The following HYDIN variants were observed in gnomAD, a reference collection of about 807,000 sequenced individuals.
HYDIN encodes HYDIN axonemal central pair apparatus protein.
In HYDIN, 132 loss-of-function variants were observed where a neutral mutation model predicts 403.9. That is an observed-to-expected ratio of 0.33 (90% CI 0.28 to 0.38). The LOEUF is 0.38. Among genes scored for constraint, HYDIN ranks in the 10% least tolerant of loss-of-function variants. The probability of loss-of-function intolerance (pLI) is 1.00; values close to 1 mark genes in which losing one functional copy is unlikely to be tolerated. For synonymous variants in HYDIN, 1,202 were observed against 1,891.7 expected (o/e 0.64, Z 9.46); for missense variants, 2,827 against 5,009.5 (o/e 0.56, Z 13.15).
At chr16:71,165,851 G>A (rs1444829854) in intron 5 of HYDIN, among the ~76,000 whole-genome samples, 2 of 147,976 alleles carry the variant, frequency 1.4e-5, no homozygotes, top group Admixed American at 6.8e-5. Flanking sequence ...GTGTGATTTG[G>A]AACCTGTGGC....
intron 1 of HYDIN, among the ~76,000 whole-genome samples, chr16:71,187,382 G>C (rs987898420): frequency 6.6e-6 from 1 of 152,206 alleles, no homozygotes; most frequent in African/African-American, 2.4e-5. Flanking sequence ...GCAAAGGAAA[G>C]TTCTGGGAAA....
rs370576400 is a variant in HYDIN at position 70,872,174 on chromosome 16, G to C, written c.10954C>G (p.Leu3652Val). The C allele has an allele frequency of 1.0e-5, 15 of 1,430,474 alleles. No homozygotes were observed. The highest frequency in any genetic ancestry group is 1.3e-5 in the Non-Finnish European group (14 of 1,052,400). 88.6% of individuals were successfully genotyped at this position (1,430,474 alleles called of 1,614,324 possible). A position where few individuals can be genotyped will look rare whatever the true frequency, so the allele number is the denominator to read the frequency against. ...TCCCCAAATTGGATGTGGTCCACCA[G>C]AGCAGCTAGGGATTAGAAGCAGAAG... ...NDMEDLVAAA[L>V]VDHIQFGDCH... Residue 3652 changes from leucine to valine, a missense_variant, in exon 65 of 86, where the codon CTG becomes GTG. Coordinates refer to ENST00000393567, the MANE Select transcript of HYDIN (RefSeq NM_001270974.2).
intron 39 of HYDIN, among the ~76,000 whole-genome samples, chr16:70,956,688 A>G (rs2078248928): frequency 6.6e-6 from 1 of 152,174 alleles, no homozygotes; most frequent in Non-Finnish European, 1.5e-5. Context: ...GTTGCAGGCA[A>G]CATTTCTAGA....
At chr16:71,000,866 C>T (rs2095323076) in intron 23 of HYDIN, among the ~76,000 whole-genome samples, 1 of 152,236 alleles carries the variant, frequency 6.6e-6, no homozygotes, top group African/African-American at 2.4e-5. Context: ...AAGTGGTCTA[C>T]TGCTCTCAGG....
At chr16:70,933,923 G>T (rs2077424132) in intron 45 of HYDIN, among the ~76,000 whole-genome samples, 2 of 152,044 alleles carry the variant, frequency 1.3e-5, no homozygotes, top group South Asian at 4.1e-4. Context: ...GCATGGGATG[G>T]GGGTCAGCCT....
intron 47 of HYDIN, among the ~76,000 whole-genome samples, chr16:70,909,653 C>A (rs1368025888): frequency 7.7e-6 from 1 of 130,604 alleles, no homozygotes; most frequent in East Asian, 2.3e-4. Flanking sequence ...GGCACACAGT[C>A]TATATTAAAA....
chr16:71,151,937 C>A (rs144193547), intron 7 of HYDIN, among the ~76,000 whole-genome samples: 2 of 152,134 alleles, frequency 1.3e-5, no homozygotes, highest in South Asian at 2.1e-4. Flanking sequence ...AGGATATTTG[C>A]ATGTTCTAAG....
chr16:70,834,084 C>G lies in HYDIN; in HGVS notation c.13482G>C (p.Lys4494Asn). The change falls in exon 79 of 86, where the codon AAG (lysine) becomes AAC (asparagine). Residue 4494 changes from lysine to asparagine, a missense_variant. Physicochemically the swap from Lys to Asn is moderately conservative, Grantham distance 94. Transcript: ENST00000393567. The part of the protein sequence containing the change: ...VCKLEVIFAP[K>N]KRVPPFSEEV... Reference sequence around the variant, plus strand: ...CCTCAGAGAAGGGAGGGACACGCTTCTTCGGGGCAAAGATGACTTCCAGTT... The same window carrying G: ...CCTCAGAGAAGGGAGGGACACGCTTGTTCGGGGCAAAGATGACTTCCAGTT... 1 of 1,605,596 alleles carries G rather than the reference C, an allele frequency of 6.2e-7. No individual in the cohort carries two copies. Among genetic ancestry groups the G allele is most frequent in the Non-Finnish European group, 8.5e-7 (1 of 1,173,128 alleles).
At chr16:71,161,869 A>G (rs1461204453) in intron 6 of HYDIN, among the ~76,000 whole-genome samples, 1 of 151,506 alleles carries the variant, frequency 6.6e-6, no homozygotes, top group Non-Finnish European at 1.5e-5. Flanking sequence ...GGAAAAAGAA[A>G]AGAGCAAACA....
chr16:70,883,744 T>C (rs1239930802), intron 59 of HYDIN, among the ~76,000 whole-genome samples, 176 bp downstream of exon 59: 2 of 152,180 alleles, frequency 1.3e-5, no homozygotes, highest in Non-Finnish European at 2.9e-5. Flanking sequence ...TAATTTTTTG[T>C]ATTTTTAGTA....
At chr16:70,905,368 G>T (rs2076505245) in intron 50 of HYDIN, among the ~76,000 whole-genome samples, 1 of 152,096 alleles carries the variant, frequency 6.6e-6, no homozygotes, top group African/African-American at 2.4e-5. Flanking sequence ...AACAGGCTTG[G>T]CACAGTGGCT....
At chr16:71,215,250 G>C (rs904877170) in intron 1 of HYDIN, among the ~76,000 whole-genome samples, 1 of 151,914 alleles carries the variant, frequency 6.6e-6, no homozygotes, top group Non-Finnish European at 1.5e-5. Flanking sequence ...ATGGAGAAAG[G>C]AGGAAGAAAG....
At chr16:71,175,280 AC>A (rs1446310229) in intron 5 of HYDIN, among the ~76,000 whole-genome samples, 1 of 151,850 alleles carries the variant, frequency 6.6e-6, no homozygotes, top group East Asian at 1.9e-4. Flanking sequence ...ATCACCCACC[AC>A]TACCCACCAA....
intron 18 of HYDIN, among the ~76,000 whole-genome samples, chr16:71,047,549 A>G (rs1389346275): frequency 6.6e-6 from 1 of 151,996 alleles, no homozygotes; most frequent in East Asian, 1.9e-4. Flanking sequence ...CTTTGGCACT[A>G]AACGGGTCAC....
chr16:70,803,763 C>A lies in HYDIN; in HGVS notation c.*3817G>T, dbSNP rs916238276. 6.6e-6 allele frequency among the ~76,000 whole-genome samples: 1 copy of A among 152,164 alleles called. No individual in the cohort carries two copies. Among genetic ancestry groups the A allele is most frequent in the Non-Finnish European group, 1.5e-5 (1 of 68,032 alleles). Reference sequence around the variant, plus strand: ...GGTAGAGGTCTTGAAATGTAGCAGGCCCTCACCAATGTTACAGTATTGTCA... The same window carrying A: ...GGTAGAGGTCTTGAAATGTAGCAGGACCTCACCAATGTTACAGTATTGTCA... On this transcript the variant is annotated 3_prime_UTR_variant, in exon 86 of 86. Coordinates refer to ENST00000393567, the MANE Select transcript of HYDIN (RefSeq NM_001270974.2).
In HYDIN at chr16:70,805,807, C is replaced by T. The variant is rs1171404941; in HGVS notation, c.*1773G>A. ...ATTGTCTATTGAGTATGGCAGTCCT[C>T]CTCATCTATGGCTTCAGTTACCTGT... On this transcript the variant is annotated 3_prime_UTR_variant, in exon 86 of 86. Transcript: ENST00000393567. 6.6e-6 allele frequency among the ~76,000 whole-genome samples: 1 copy of T among 152,156 alleles called. No individual in the cohort carries two copies. The highest frequency in any genetic ancestry group is 1.9e-4 in the East Asian group (1 of 5,204).
In HYDIN at chr16:71,129,416, A is replaced by T. The variant is rs555511513; in HGVS notation, c.1227+224T>A. 3.6e-3 allele frequency among the ~76,000 whole-genome samples: 554 copies of T among 152,400 alleles called. 2 individuals carry two copies. Among genetic ancestry groups the T allele is most frequent in the Non-Finnish European group, 5.6e-3 (381 of 68,042 alleles). On this transcript the variant is annotated intron_variant, in intron 9 of 85. Coordinates refer to ENST00000393567, the MANE Select transcript of HYDIN (RefSeq NM_001270974.2). ...ACTGCATAATCCCTAGGAAGTGGTT[A>T]ACACAGTGACTGATGCATGGAAATT...
At chr16:70,930,632 C>T (rs1201563942) in intron 45 of HYDIN, among the ~76,000 whole-genome samples, 2 of 152,312 alleles carry the variant, frequency 1.3e-5, no homozygotes, top group East Asian at 3.9e-4. Context: ...TCTGTATAAG[C>T]AGCCTAAATC....
intron 3 of HYDIN, among the ~76,000 whole-genome samples, chr16:71,184,407 C>CTATT (rs2087042545): frequency 6.6e-6 from 1 of 152,110 alleles, no homozygotes; most frequent in Admixed American, 6.6e-5. Context: ...GATAAAATCA[C>CTATT]TATTCTTTAG....
Sources: gnomAD v4.1 joint callset for allele counts (sites outside exome capture counted in the v4.1 genomes callset) on GRCh38, gnomAD v4.1.1 for gene constraint, MANE v1.5 for transcripts, NCBI Gene and HGNC (gene_info 2026-07-23, HGNC 2026-07-21) for gene names.